FSTL4: variants seen among roughly 807,000 people sequenced by gnomAD.
FSTL4 encodes follistatin-related protein 4.
Under a neutral mutation model 78.2 loss-of-function variants are expected in FSTL4, and 28 were observed. That is an observed-to-expected ratio of 0.36 (90% CI 0.27 to 0.49). The LOEUF is 0.49. Among genes scored for constraint, FSTL4 ranks in the 20% least tolerant of loss-of-function variants. FSTL4 has a pLI of 0.98. For synonymous variants in FSTL4, 422 were observed against 440.5 expected (o/e 0.96, Z 0.53); for missense variants, 922 against 1,084.9 (o/e 0.85, Z 2.11).
chr5:133,335,485 C>G (rs1012600036), intron 4 of FSTL4, among the ~76,000 whole-genome samples: 3 of 152,066 alleles, frequency 2.0e-5, no homozygotes, highest in Non-Finnish European at 2.9e-5. Flanking sequence ...CCCTTCCCCT[C>G]ATGGTCCAGT....
intron 3 of FSTL4, among the ~76,000 whole-genome samples, chr5:133,465,259 C>A (rs1217868305): frequency 6.6e-6 from 1 of 152,212 alleles, no homozygotes; most frequent in African/African-American, 2.4e-5. Context: ...CATTCTATTT[C>A]TTACCCACCC....
the FSTL4 span, among the ~76,000 whole-genome samples, chr5:133,706,568 T>A: frequency 6.6e-6 from 1 of 152,216 alleles, no homozygotes; most frequent in Admixed American, 6.5e-5. Flanking sequence ...GCTGACCATC[T>A]TTTGTACTGG....
chr5:133,316,708 C>T (rs139315222), intron 4 of FSTL4, 56 bp from the exon 5 acceptor site: 15 of 1,437,110 alleles, frequency 1.0e-5, no homozygotes, highest in African/African-American at 5.6e-5. Context: ...CTTGAGAGAA[C>T]ATTCTTGCCG....
chr5:133,498,484 T>G (rs1758418265), intron 3 of FSTL4, among the ~76,000 whole-genome samples: 1 of 152,188 alleles, frequency 6.6e-6, no homozygotes, highest in South Asian at 2.1e-4. Context: ...TTTGGGAGGC[T>G]GAGGCAGGCA....
At chr5:133,457,527 A>C (rs1301868111) in intron 3 of FSTL4, among the ~76,000 whole-genome samples, 1 of 152,198 alleles carries the variant, frequency 6.6e-6, no homozygotes, top group African/African-American at 2.4e-5. Flanking sequence ...CCTTTATCCA[A>C]TGCCTTTCCT....
At chr5:133,279,411 C>A (rs1752962903) in intron 6 of FSTL4, among the ~76,000 whole-genome samples, 1 of 152,214 alleles carries the variant, frequency 6.6e-6, no homozygotes. Context: ...TCCCCCACTC[C>A]CAGTCTGTGG....
intron 3 of FSTL4, among the ~76,000 whole-genome samples, chr5:133,432,440 T>C (rs1440933037): frequency 6.6e-6 from 1 of 152,178 alleles, no homozygotes; most frequent in Non-Finnish European, 1.5e-5. Flanking sequence ...CACGAGAGAT[T>C]TGTAGTACCT....
intron 13 of FSTL4, among the ~76,000 whole-genome samples, chr5:133,213,447 G>A (rs1304989982): frequency 1.3e-5 from 2 of 152,156 alleles, no homozygotes; most frequent in Non-Finnish European, 2.9e-5. Context: ...TGTCCTGTGG[G>A]GTTAAATTAC....
At chr5:133,290,836 G>A (rs564583877) in intron 6 of FSTL4, among the ~76,000 whole-genome samples, 1 of 152,242 alleles carries the variant, frequency 6.6e-6, no homozygotes, top group Non-Finnish European at 1.5e-5. Context: ...CGCCTGCAAT[G>A]TGGGCTGCTT....
chr5:133,596,988 A>G (rs1463681110), intron 2 of FSTL4, among the ~76,000 whole-genome samples: 1 of 152,048 alleles, frequency 6.6e-6, no homozygotes, highest in East Asian at 1.9e-4. Context: ...AGGCTGGTGG[A>G]CAGATGGCTT....
At chr5:133,215,856 A>G (rs1750889491) in intron 13 of FSTL4, among the ~76,000 whole-genome samples, 1 of 152,106 alleles carries the variant, frequency 6.6e-6, no homozygotes, top group South Asian at 2.1e-4. Flanking sequence ...CAGTTCTCAC[A>G]TTGCCTTTTT....
At chr5:133,401,524 G>C (rs942250622) in intron 3 of FSTL4, among the ~76,000 whole-genome samples, 2 of 152,118 alleles carry the variant, frequency 1.3e-5, no homozygotes, top group African/African-American at 4.8e-5. Context: ...CCTTTACTAT[G>C]TCATGACTTT....
At chr5:133,749,476 G>T in the FSTL4 span, among the ~76,000 whole-genome samples, 1 of 152,208 alleles carries the variant, frequency 6.6e-6, no homozygotes, top group Non-Finnish European at 1.5e-5. Flanking sequence ...TCAGCCATTT[G>T]CTCCCGCAGC....
At chr5:133,467,224 G>A (rs959907160) in intron 3 of FSTL4, among the ~76,000 whole-genome samples, 1 of 151,094 alleles carries the variant, frequency 6.6e-6, no homozygotes, top group Non-Finnish European at 1.5e-5. Flanking sequence ...ATATGAGGGT[G>A]TATATGAGCA....
At position 133,225,650 on chromosome 5, in the gene FSTL4, G is replaced by T; in HGVS notation, c.1177+8C>A. 6.3e-7 allele frequency: 1 copy of T among 1,575,728 alleles called. No individual in the cohort carries two copies. The highest frequency in any genetic ancestry group is 8.6e-7 in the Non-Finnish European group (1 of 1,161,588). On this transcript the variant is annotated splice_region_variant and intron_variant, in intron 9 of 15. Transcript: ENST00000265342. The surrounding 1 kb of genome is among the most constrained non-coding windows in gnomAD (Gnocchi z 4.6). ...ATCGCATAGACGTCTACCAAGGGCA[G>T]TTCTTACCTAAAAGGGAGAGCTGTT...
At chr5:133,810,315 T>C in the FSTL4 span, among the ~76,000 whole-genome samples, 1 of 152,248 alleles carries the variant, frequency 6.6e-6, no homozygotes. Flanking sequence ...CAGGAGCCTG[T>C]GTCCAGCTCT....
At chr5:133,628,782 A>C in the FSTL4 span, among the ~76,000 whole-genome samples, 1 of 152,076 alleles carries the variant, frequency 6.6e-6, no homozygotes, top group African/African-American at 2.4e-5. Flanking sequence ...GAAATGAATA[A>C]AAAAATAAAA....
At chr5:133,404,681 G>A (rs1756314466) in intron 3 of FSTL4, among the ~76,000 whole-genome samples, 1 of 152,156 alleles carries the variant, frequency 6.6e-6, no homozygotes, top group Admixed American at 6.5e-5. Context: ...ATAGGTACAG[G>A]TGGTGTAATT....
At chr5:133,709,809 C>T in the FSTL4 span, among the ~76,000 whole-genome samples, 2 of 152,204 alleles carry the variant, frequency 1.3e-5, no homozygotes, top group African/African-American at 2.4e-5. Flanking sequence ...TCTAAAGGAG[C>T]TATCTGTGAG....
Sources: gnomAD v4.1 joint callset for allele counts (sites outside exome capture counted in the v4.1 genomes callset) on GRCh38, gnomAD v4.1.1 for gene constraint, Gnocchi (gnomAD v3.1) non-coding constraint, MANE v1.5 for transcripts, NCBI Gene and HGNC (gene_info 2026-07-23, HGNC 2026-07-21) for gene names.